Variants in TTC38 observed in about 807,000 individuals in gnomAD.
TTC38 encodes tetratricopeptide repeat protein 38.
TTC38 carries 64 observed loss-of-function variants against 64.2 expected under a neutral mutation model. The observed-to-expected ratio is 1.00, with a 90% CI of 0.81 to 1.23. The LOEUF (loss-of-function observed/expected upper bound fraction) is 1.23. TTC38 is among the 50% of genes most tolerant of loss of function. TTC38 has a pLI of 0.00. For synonymous variants in TTC38, 254 were observed against 249.3 expected, an observed-to-expected ratio of 1.02 and a Z score of -0.18; for missense variants, 573 against 615.5, an observed-to-expected ratio of 0.93 and a Z score of 0.73.
Position 46,292,472 on chromosome 22 carries a change from T to C in TTC38, c.1317-319T>C. ...TGGGCTTCAACATATACATTTAGCC[T>C]GGACACAGACATTCAGTCCACAGCA... On this transcript the variant is annotated intron_variant, in intron 13 of 13. Coordinates refer to ENST00000381031, the MANE Select transcript of TTC38 (RefSeq NM_017931.4). This position sits in a 1 kb window ranked among gnomAD's most constrained non-coding sequence, Gnocchi z 6.5. The C allele has an allele frequency of 2.5e-6, 1 of 392,666 alleles. No homozygotes were observed. The highest frequency in any genetic ancestry group is 4.8e-6 in the Non-Finnish European group (1 of 208,618). 24.3% of individuals were successfully genotyped at this position (392,666 alleles called of 1,614,324 possible). A position where few individuals can be genotyped will look rare whatever the true frequency, so the allele number is the denominator to read the frequency against.
Position 46,293,420 on chromosome 22 carries a change from A to G in TTC38, c.*536A>G. ...GTGGCCTGCCCAGGGTCACACTATG[A>G]GAGGCCCCCACCTGCTGCCTTTGGA... is the stretch of plus-strand genomic sequence containing the variant. On this transcript the variant is annotated 3_prime_UTR_variant, in exon 14 of 14. Coordinates refer to ENST00000381031, the MANE Select transcript of TTC38 (RefSeq NM_017931.4). The surrounding 1 kb of genome is among the most constrained non-coding windows in gnomAD (Gnocchi z 6.6). The G allele has an allele frequency of 6.5e-6, 1 of 154,858 alleles. No homozygotes were observed. The highest frequency in any genetic ancestry group is 1.4e-5 in the Non-Finnish European group (1 of 69,516). The allele number at this position is 154,858 out of a possible 1,614,324, so 9.6% of individuals were successfully genotyped here.
rs1038053221 is a variant in TTC38, at chr22:46,282,076, G to A, written c.735+358G>A. 40 of 434,598 alleles carry A rather than the reference G, an allele frequency of 9.2e-5. No homozygotes were observed. Among genetic ancestry groups the A allele is most frequent in the Non-Finnish European group, 1.8e-4 (38 of 210,298 alleles). The allele number at this position is 434,598 out of a possible 1,614,324, so 26.9% of individuals were successfully genotyped here. ...CGCAGAGGAAGCATTAAACTCAACT[G>A]GGCTTGGGGGGACAGTGGCTAGGGA... On this transcript the variant is annotated intron_variant, in intron 7 of 13. Coordinates refer to ENST00000381031, the MANE Select transcript of TTC38 (RefSeq NM_017931.4). The surrounding 1 kb of genome is among the most constrained non-coding windows in gnomAD (Gnocchi z 4.4).
Position 46,292,516 on chromosome 22 carries a change from G to A in TTC38, c.1317-275G>A, listed in dbSNP as rs9627390. Among the ~76,000 whole-genome samples, 1,053 of 152,284 alleles carry A rather than the reference G, an allele frequency of 6.9e-3. 14 individuals are homozygous for A. Among genetic ancestry groups the A allele is most frequent in the African/African-American group, 0.024 (980 of 41,548 alleles). ...CACAGCAGGGTCTTTACCTCAAACC[G>A]TACCTGGGTCTTCTCTCTTCAAACC... On this transcript the variant is annotated intron_variant, in intron 13 of 13. Coordinates refer to ENST00000381031, the MANE Select transcript of TTC38 (RefSeq NM_017931.4). This position sits in a 1 kb window ranked among gnomAD's most constrained non-coding sequence, Gnocchi z 6.5.
rs1305810543 is a variant in TTC38 at position 46,271,243 on chromosome 22, CT to C, written c.112-1084del. The stretch of plus-strand genomic sequence containing the variant: ...CTGCCTTTTCTTTCTTTTCTTTTTT[CT>C]TTTTTTTCTTTTTTGAGACAGAGTC... On this transcript the variant is annotated intron_variant, in intron 2 of 13. Coordinates refer to ENST00000381031, the MANE Select transcript of TTC38 (RefSeq NM_017931.4). This position sits in a 1 kb window ranked among gnomAD's most constrained non-coding sequence, Gnocchi z 5.5. Among the ~76,000 whole-genome samples, 1 of 151,780 alleles carries C rather than the reference CT, an allele frequency of 6.6e-6. No homozygotes were observed. The highest frequency in any genetic ancestry group is 1.5e-5 in the Non-Finnish European group (1 of 67,924).
At position 46,283,967 on chromosome 22, in the gene TTC38, C is replaced by G; in HGVS notation, c.736-6C>G. The G allele has an allele frequency of 3.2e-6, 3 of 925,008 alleles. No homozygotes were observed. The highest frequency in any genetic ancestry group is 4.7e-5 in the East Asian group (1 of 21,120). The allele number at this position is 925,008 out of a possible 1,614,324, so 57.3% of individuals were successfully genotyped here. A position where few individuals can be genotyped will look rare whatever the true frequency, so the allele number is the denominator to read the frequency against. ...TCATAAATTCTCTTTTTTTTTTTTT[C>G]TCCAGGACTCTGATATGTTGGCTTG... On this transcript the variant is annotated splice_polypyrimidine_tract_variant and splice_region_variant and intron_variant, in intron 7 of 13. Transcript: ENST00000381031.
rs1450838715 is a variant in TTC38 at position 46,275,449 on chromosome 22, TTC to T, written c.539+30_539+31del. 6.3e-7 allele frequency: 1 copy of T among 1,594,862 alleles called. No individual in the cohort carries two copies. Among genetic ancestry groups the T allele is most frequent in the Non-Finnish European group, 8.5e-7 (1 of 1,169,846 alleles). On this transcript the variant is annotated intron_variant, in intron 5 of 13. Coordinates refer to ENST00000381031, the MANE Select transcript of TTC38 (RefSeq NM_017931.4). The surrounding 1 kb of genome is among the most constrained non-coding windows in gnomAD (Gnocchi z 4.5). ...ATGTGCCAGCTGGAAATCACATTAT[TTC>T]TGTTTCTTAATCTCTCTTTTCTGCC...
intron 12 of TTC38, 112 bp from the exon 13 acceptor site, chr22:46,289,714 G>T (rs2077599245): frequency 2.0e-6 from 3 of 1,466,046 alleles, no homozygotes; most frequent in Non-Finnish European, 2.9e-6. Flanking sequence ...GTCGTTGAGG[G>T]TGTGGCATCA....
rs2077619166 is a variant in TTC38 at position 46,291,921 on chromosome 22, A to G, written c.1317-870A>G. On this transcript the variant is annotated intron_variant, in intron 13 of 13. Coordinates refer to ENST00000381031, the MANE Select transcript of TTC38 (RefSeq NM_017931.4). This position sits in a 1 kb window ranked among gnomAD's most constrained non-coding sequence, Gnocchi z 4.6. ...CAGTGAGCCGAGATCGCGTCATTGCACTCCAGCCTGAGTGACCGAGGGAGA... is the reference window on the plus strand; with the variant it reads ...CAGTGAGCCGAGATCGCGTCATTGCGCTCCAGCCTGAGTGACCGAGGGAGA... Among the ~76,000 whole-genome samples the G allele has an allele frequency of 6.6e-6, 1 of 152,026 alleles. No individual in the cohort carries two copies. The highest frequency in any genetic ancestry group is 6.6e-5 in the Admixed American group (1 of 15,262).
Position 46,289,691 on chromosome 22 carries a change from G to A in TTC38, c.1242+130G>A, listed in dbSNP as rs539248487. 2.5e-4 allele frequency: 359 copies of A among 1,454,490 alleles called. No homozygotes were observed. The African/African-American group carries it at 4.1e-3, about 17-fold the overall frequency. The allele number at this position is 1,454,490 out of a possible 1,614,324, so 90.1% of individuals were successfully genotyped here. A position where few individuals can be genotyped will look rare whatever the true frequency, so the allele number is the denominator to read the frequency against. ...GTGTGAACGTGTCTCTCACACTCCC[G>A]CCGTGTAAGTTCGTCGTTGAGGGTG... On this transcript the variant is annotated intron_variant, in intron 12 of 13. Transcript: ENST00000381031.
intron 6 of TTC38, chr22:46,280,041 C>A: frequency 2.2e-6 from 1 of 451,242 alleles, no homozygotes; most frequent in Non-Finnish European, 4.6e-6. Context: ...CATTGCTCCC[C>A]TTTCGCCTCC....
At chr22:46,287,438 C>T (rs1288187167) in intron 10 of TTC38, among the ~76,000 whole-genome samples, 1 of 152,272 alleles carries the variant, frequency 6.6e-6, no homozygotes, top group African/African-American at 2.4e-5. Flanking sequence ...CTGTGCTGTT[C>T]CCATGGCTGG....
At chr22:46,269,184 GT>G in intron 2 of TTC38, 1 of 387,006 alleles carries the variant, frequency 2.6e-6, no homozygotes, top group South Asian at 1.9e-5. Context: ...CAGTGGGGAT[GT>G]TTTTTGAGGA....
In TTC38 at chr22:46,293,379, G is replaced by A. The variant is rs2077630169; in HGVS notation, c.*495G>A. 1 of 161,292 alleles carries A rather than the reference G, an allele frequency of 6.2e-6. No individual in the cohort carries two copies. The highest frequency in any genetic ancestry group is 1.7e-4 in the East Asian group (1 of 5,874). 10.0% of individuals were successfully genotyped at this position (161,292 alleles called of 1,614,324 possible). A position where few individuals can be genotyped will look rare whatever the true frequency, so the allele number is the denominator to read the frequency against. Reference sequence around the variant, plus strand: ...TTGCTGTCCCATTTTTCAGGTGAGGGTACCGGGGTAGGGGAGTGGCCTGCC... The same window carrying A: ...TTGCTGTCCCATTTTTCAGGTGAGGATACCGGGGTAGGGGAGTGGCCTGCC... On this transcript the variant is annotated 3_prime_UTR_variant, in exon 14 of 14. Transcript: ENST00000381031. This position sits in a 1 kb window ranked among gnomAD's most constrained non-coding sequence, Gnocchi z 6.6.
Position 46,271,112 on chromosome 22 carries a change from T to C in TTC38, c.112-1223T>C, listed in dbSNP as rs1433455942. On this transcript the variant is annotated intron_variant, in intron 2 of 13. Coordinates refer to ENST00000381031, the MANE Select transcript of TTC38 (RefSeq NM_017931.4). The surrounding 1 kb of genome is among the most constrained non-coding windows in gnomAD (Gnocchi z 5.5). ...AATAAATGTTTTCTGTGAATATTTT[T>C]AAAACGAATGAATAAGAAGCAGGAA... 6.6e-6 allele frequency among the ~76,000 whole-genome samples: 1 copy of C among 152,254 alleles called. No individual in the cohort carries two copies. Among genetic ancestry groups the C allele is most frequent in the Non-Finnish European group, 1.5e-5 (1 of 68,044 alleles).
In TTC38 at chr22:46,273,426, G is replaced by C. The variant is rs935938944; in HGVS notation, c.194-472G>C. On this transcript the variant is annotated intron_variant, in intron 3 of 13. Transcript: ENST00000381031. This position sits in a 1 kb window ranked among gnomAD's most constrained non-coding sequence, Gnocchi z 5.1. Reference sequence around the variant, plus strand: ...ACTCCTGCCAGCAAGGCTGCTGCGAGGGCCACAAGGCACTCACCCCCACCC... The same window carrying C: ...ACTCCTGCCAGCAAGGCTGCTGCGACGGCCACAAGGCACTCACCCCCACCC... Among the ~76,000 whole-genome samples the C allele has an allele frequency of 2.0e-5, 3 of 152,252 alleles. No homozygotes were observed. The highest frequency in any genetic ancestry group is 2.0e-4 in the Admixed American group (3 of 15,292).
At chr22:46,289,920 C>T (rs368933250) in intron 13 of TTC38, 21 bp downstream of exon 13, 69 of 1,611,014 alleles carry the variant, frequency 4.3e-5, no homozygotes, top group South Asian at 6.6e-5. Flanking sequence ...GGCCCCTGCC[C>T]AGCACTCCCG....
At chr22:46,285,330 G>T in intron 9 of TTC38, 51 bp downstream of exon 9, 1 of 1,567,788 alleles carries the variant, frequency 6.4e-7, no homozygotes, top group East Asian at 2.2e-5. Flanking sequence ...TTGCCTTTGA[G>T]TCTCAAAGAG....
At position 46,275,565 on chromosome 22, in the gene TTC38, C is replaced by A; in HGVS notation, c.539+144C>A. On this transcript the variant is annotated intron_variant, in intron 5 of 13. Transcript: ENST00000381031. This position sits in a 1 kb window ranked among gnomAD's most constrained non-coding sequence, Gnocchi z 4.5. The stretch of plus-strand genomic sequence containing the variant: ...CTAGTTCCTTAAAGTTCAAAGGCCT[C>A]ATTTTCTTCACTTGATTTTCATCCC... The A allele has an allele frequency of 1.3e-6, 1 of 757,146 alleles. No homozygotes were observed. The highest frequency in any genetic ancestry group is 2.1e-6 in the Non-Finnish European group (1 of 480,358). The allele number at this position is 757,146 out of a possible 1,614,324, so 46.9% of individuals were successfully genotyped here. A position where few individuals can be genotyped will look rare whatever the true frequency, so the allele number is the denominator to read the frequency against.
intron 5 of TTC38, among the ~76,000 whole-genome samples, chr22:46,277,042 TAC>T (rs1478498696): frequency 2.8e-5 from 2 of 71,454 alleles, no homozygotes; most frequent in African/African-American, 5.3e-5. Flanking sequence ...TACATATATA[TAC>T]ATACACACAC....
Sources: gnomAD v4.1 joint callset for allele counts (sites outside exome capture counted in the v4.1 genomes callset) on GRCh38, gnomAD v4.1.1 for gene constraint, Gnocchi (gnomAD v3.1) non-coding constraint, MANE v1.5 for transcripts, NCBI Gene and HGNC (gene_info 2026-07-23, HGNC 2026-07-21) for gene names.